Variants in WWOX observed in about 807,000 individuals in gnomAD.
WWOX encodes WW domain-containing oxidoreductase.
In WWOX, 69 loss-of-function variants were observed where a neutral mutation model predicts 46.2. The observed-to-expected ratio is 1.49, with a 90% confidence interval of 1.23 to 1.82. The LOEUF (loss-of-function observed/expected upper bound fraction) is 1.82, where lower values mean the gene tolerates loss of function less well. Ranked by LOEUF, WWOX falls within the 40% of genes most tolerant of loss-of-function variation. The pLI is 0.00. For synonymous variants in WWOX, 359 were observed against 202.6 expected (o/e 1.77, Z -6.56); for missense variants, 919 against 542.6 (o/e 1.69, Z -6.89).
chr16:79,189,283 G>C (rs1337082576), intron 8 of WWOX, among the ~76,000 whole-genome samples: 1 of 151,784 alleles, frequency 6.6e-6, no homozygotes, highest in Non-Finnish European at 1.5e-5. Context: ...TCTGAGACAG[G>C]ATCTCACTTT....
At chr16:79,038,466 G>T (rs949910535) in intron 8 of WWOX, among the ~76,000 whole-genome samples, 7 of 152,134 alleles carry the variant, frequency 4.6e-5, no homozygotes, top group African/African-American at 1.7e-4. Context: ...AGACTGGAAG[G>T]AAATTTATTG....
chr16:78,115,104 G>C lies in WWOX; in HGVS notation c.359G>C (p.Arg120Pro), dbSNP rs1355355411. Residue 120 changes from arginine (R) to proline (P), a missense_variant, in exon 4 of 9, where the codon CGG becomes CCG. Transcript: ENST00000566780. The part of the protein sequence containing the change: ...STTAMEILQG[R>P]DFTGKVVVVT... ...ACTGCCATGGAAATTCTCCAGGGCC[G>C]GGATTTCACTGGCAAAGTGGTTGTG... 6.2e-7 allele frequency: 1 copy of C among 1,614,044 alleles called. No individual in the cohort carries two copies. The highest frequency in any genetic ancestry group is 2.2e-5 in the East Asian group (1 of 44,892).
At chr16:78,373,567 G>C (rs2081746497) in intron 5 of WWOX, among the ~76,000 whole-genome samples, 1 of 152,092 alleles carries the variant, frequency 6.6e-6, no homozygotes, top group Non-Finnish European at 1.5e-5. Flanking sequence ...GCTGTGGAAA[G>C]AGGAGAAGTA....
At chr16:79,083,023 C>G (rs2048788981) in intron 8 of WWOX, among the ~76,000 whole-genome samples, 1 of 152,160 alleles carries the variant, frequency 6.6e-6, no homozygotes, top group Non-Finnish European at 1.5e-5. Context: ...ACCAAAGACA[C>G]AGCAGAGAAC....
intron 8 of WWOX, chr16:78,996,381 CG>C (rs149647397): frequency 0.32 from 210,894 of 664,206 alleles, 2,115 homozygotes; most frequent in Non-Finnish European, 0.32. Flanking sequence ...CACCCACCCC[CG>C]CCCCCCAGCT....
chr16:78,731,903 A>C (rs1445767343), intron 8 of WWOX, among the ~76,000 whole-genome samples: 2 of 139,364 alleles, frequency 1.4e-5, no homozygotes, highest in Non-Finnish European at 3.0e-5. Context: ...GCTGGAGTGC[A>C]GTGGTGCCTT....
At chr16:78,215,293 C>T (rs2036683960) in intron 5 of WWOX, among the ~76,000 whole-genome samples, 1 of 152,202 alleles carries the variant, frequency 6.6e-6, no homozygotes, top group African/African-American at 2.4e-5. Flanking sequence ...TGGCTGTGTC[C>T]CCACCCAAAT....
chr16:78,237,730 A>C (rs1029836093), intron 5 of WWOX: 1 of 152,250 alleles, frequency 6.6e-6, no homozygotes, highest in African/African-American at 2.4e-5. Flanking sequence ...AAGGAGGAAA[A>C]TGATATGGAA....
chr16:79,143,421 C>G (rs564320368), intron 8 of WWOX, among the ~76,000 whole-genome samples: 26 of 152,270 alleles, frequency 1.7e-4, no homozygotes, highest in Middle Eastern at 6.8e-3. Flanking sequence ...GCAGGGAAGG[C>G]TTTATGACTT....
chr16:78,264,425 A>G (rs1172001523), intron 5 of WWOX: 1 of 152,130 alleles, frequency 6.6e-6, no homozygotes, highest in Non-Finnish European at 1.5e-5. Context: ...TAAACAAAAT[A>G]TCCTAATCTT....
chr16:78,575,483 A>T (rs888597633), intron 8 of WWOX, among the ~76,000 whole-genome samples: 1 of 152,014 alleles, frequency 6.6e-6, no homozygotes, highest in Middle Eastern at 3.2e-3. Context: ...GGATGTCTGC[A>T]TGGAGGACAA....
At chr16:78,642,673 G>A (rs768219971) in intron 8 of WWOX, among the ~76,000 whole-genome samples, 1 of 152,088 alleles carries the variant, frequency 6.6e-6, no homozygotes, top group Non-Finnish European at 1.5e-5. Context: ...CTTCTTTGGT[G>A]TCCATGGCAG....
chr16:78,865,413 C>A (rs1454776304), intron 8 of WWOX, among the ~76,000 whole-genome samples: 1 of 152,192 alleles, frequency 6.6e-6, no homozygotes, highest in Admixed American at 6.5e-5. Context: ...CTTTACACTC[C>A]AGTGGACTTT....
chr16:78,872,828 C>T (rs775209759), intron 8 of WWOX: 106 of 152,278 alleles, frequency 7.0e-4, no homozygotes, highest in Non-Finnish European at 1.3e-3. Flanking sequence ...GACAGGGTCT[C>T]GCTCTCTTGC....
chr16:79,037,698 G>A (rs79442008), intron 8 of WWOX, among the ~76,000 whole-genome samples: 8,243 of 152,168 alleles, frequency 0.054, 245 homozygotes, highest in African/African-American at 0.075. Context: ...CCTCACAATC[G>A]CAAGCCAGGT....
chr16:78,871,328 A>G (rs1263016315), intron 8 of WWOX, among the ~76,000 whole-genome samples: 1 of 152,168 alleles, frequency 6.6e-6, no homozygotes, highest in Non-Finnish European at 1.5e-5. Flanking sequence ...TCACAGTGGC[A>G]GGAGAGGGAC....
At chr16:78,970,312 G>A (rs2046445307) in intron 8 of WWOX, among the ~76,000 whole-genome samples, 1 of 152,178 alleles carries the variant, frequency 6.6e-6, no homozygotes, top group Admixed American at 6.5e-5. Context: ...CCCCACTACA[G>A]TGTAAACTCC....
At chr16:78,964,553 T>A (rs1252093083) in intron 8 of WWOX, among the ~76,000 whole-genome samples, 2 of 152,224 alleles carry the variant, frequency 1.3e-5, no homozygotes, top group Non-Finnish European at 2.9e-5. Flanking sequence ...TTCAGTTTTA[T>A]AAAAGAAGCA....
At chr16:79,016,954 C>A (rs1248939487) in intron 8 of WWOX, 2 of 152,240 alleles carry the variant, frequency 1.3e-5, no homozygotes, top group African/African-American at 4.8e-5. Context: ...ACCACCTCGA[C>A]CTCGAGAAGT....
Sources: allele counts gnomAD v4.1 joint callset (sites outside exome capture counted in the v4.1 genomes callset), GRCh38; gene constraint gnomAD v4.1.1; transcripts MANE v1.5; gene names NCBI Gene and HGNC (gene_info 2026-07-23, HGNC 2026-07-21).